The following GRAMD1B variants were observed in gnomAD, a reference collection of about 807,000 sequenced individuals.
GRAMD1B encodes the protein GRAM domain containing 1B.
Under a neutral mutation model 99.7 loss-of-function variants are expected in GRAMD1B, and 37 were observed. That is an observed-to-expected ratio of 0.37 (90% CI 0.29 to 0.49). GRAMD1B has a LOEUF of 0.49. Ranked by LOEUF, GRAMD1B falls within the 20% of genes least tolerant of loss-of-function variation. GRAMD1B has a pLI of 0.98. For missense variants in GRAMD1B, 888 were observed against 1,009.2 expected, an observed-to-expected ratio of 0.88 and a Z score of 1.63; for synonymous variants, 427 against 387.6, an observed-to-expected ratio of 1.10 and a Z score of -1.19.
intron 2 of GRAMD1B, among the ~76,000 whole-genome samples, chr11:123,520,068 T>A (rs1003889632): frequency 5.3e-5 from 8 of 152,308 alleles, no homozygotes; most frequent in African/African-American, 1.9e-4. Flanking sequence ...ACACCAATCA[T>A]GTTTTTGTTG....
At chr11:123,511,366 G>T (rs1365443442) in intron 2 of GRAMD1B, among the ~76,000 whole-genome samples, 3 of 152,194 alleles carry the variant, frequency 2.0e-5, no homozygotes, top group African/African-American at 7.2e-5. Flanking sequence ...GCGGGCCCGG[G>T]CACCTCCAGG....
chr11:123,413,191 C>T (rs1016205292), intron 1 of GRAMD1B, among the ~76,000 whole-genome samples: 1 of 152,170 alleles, frequency 6.6e-6, no homozygotes, highest in African/African-American at 2.4e-5. Flanking sequence ...CTGCCCTGAG[C>T]TCACCTGGTC....
chr11:123,498,193 C>G (rs938426657), intron 2 of GRAMD1B, among the ~76,000 whole-genome samples: 2 of 152,208 alleles, frequency 1.3e-5, no homozygotes, highest in East Asian at 3.9e-4. Flanking sequence ...TGAACTGGAC[C>G]TGGGGACCCC....
chr11:123,455,696 A>C (rs1326262696), intron 1 of GRAMD1B, among the ~76,000 whole-genome samples: 2 of 152,020 alleles, frequency 1.3e-5, no homozygotes, highest in Non-Finnish European at 2.9e-5. Flanking sequence ...TTGTCTTTAT[A>C]ACACTTTGTA....
intron 2 of GRAMD1B, among the ~76,000 whole-genome samples, chr11:123,512,967 T>C (rs1941192003): frequency 6.6e-6 from 1 of 152,168 alleles, no homozygotes; most frequent in South Asian, 2.1e-4. Context: ...GATGCTTCCA[T>C]AAAGAGCCTA....
intron 2 of GRAMD1B, among the ~76,000 whole-genome samples, chr11:123,563,298 GC>G (rs1387032935): frequency 1.3e-5 from 2 of 152,174 alleles, no homozygotes; most frequent in Non-Finnish European, 2.9e-5. Flanking sequence ...TTAGTGACTG[GC>G]CCTTGAGAGG....
intron 1 of GRAMD1B, among the ~76,000 whole-genome samples, chr11:123,372,304 T>A (rs998084006): frequency 6.6e-6 from 1 of 152,266 alleles, no homozygotes; most frequent in Non-Finnish European, 1.5e-5. Flanking sequence ...TTGCCCTTTA[T>A]GGCTTAACCT....
At chr11:123,468,363 T>G (rs1234854614) in intron 1 of GRAMD1B, among the ~76,000 whole-genome samples, 2 of 152,186 alleles carry the variant, frequency 1.3e-5, no homozygotes, top group Non-Finnish European at 2.9e-5. Context: ...ATACACCTAA[T>G]ATGTGCTAGG....
intron 2 of GRAMD1B, among the ~76,000 whole-genome samples, chr11:123,565,325 C>A (rs1489562052): frequency 6.6e-6 from 1 of 152,020 alleles, no homozygotes; most frequent in Non-Finnish European, 1.5e-5. Context: ...AGGCATGAGC[C>A]ACTGCAACTG....
At chr11:123,402,841 T>C (rs973389688) in intron 1 of GRAMD1B, among the ~76,000 whole-genome samples, 11 of 152,180 alleles carry the variant, frequency 7.2e-5, no homozygotes, top group African/African-American at 2.7e-4. Flanking sequence ...ACACTGTTGG[T>C]GGGTGTGTAA....
At chr11:123,399,386 A>T (rs1947577348) in intron 1 of GRAMD1B, among the ~76,000 whole-genome samples, 1 of 152,232 alleles carries the variant, frequency 6.6e-6, no homozygotes, top group African/African-American at 2.4e-5. Context: ...ATAGTGCTGC[A>T]ATGAACATGG....
At chr11:123,442,859 C>G (rs554482348) in intron 1 of GRAMD1B, among the ~76,000 whole-genome samples, 5 of 53,346 alleles carry the variant, frequency 9.4e-5, no homozygotes, top group African/African-American at 3.6e-4. Context: ...TTATTTATGC[C>G]CCCCCCCACC....
intron 2 of GRAMD1B, among the ~76,000 whole-genome samples, chr11:123,489,856 C>G (rs925153002): frequency 1.3e-5 from 2 of 152,082 alleles, no homozygotes; most frequent in African/African-American, 4.8e-5. Flanking sequence ...TTCATTTGTT[C>G]ATTCATTCAT....
chr11:123,551,674 A>G (rs1021271337), intron 2 of GRAMD1B, among the ~76,000 whole-genome samples: 1 of 152,232 alleles, frequency 6.6e-6, no homozygotes, highest in African/African-American at 2.4e-5. Context: ...TCTAATTTGC[A>G]TAATTAAGGC....
In GRAMD1B at chr11:123,586,450, TTCATTC is replaced by T. The variant is rs555458401; in HGVS notation, c.684+2122_684+2127del. ...CTGACTCTCCACTTAGCTCAGATCATTCATTCTCAGAGGCCAAGCGCACAAGGGGCT... is the reference window on the plus strand; with the variant it reads ...CTGACTCTCCACTTAGCTCAGATCATTCAGAGGCCAAGCGCACAAGGGGCT... On this transcript the variant is annotated intron_variant, in intron 4 of 19. Transcript: ENST00000635736. Among the ~76,000 whole-genome samples, 55 of 152,326 alleles carry T rather than the reference TTCATTC, an allele frequency of 3.6e-4. No homozygotes were observed. The Middle Eastern group carries it at 0.014, about 38-fold the overall frequency.
intron 1 of GRAMD1B, among the ~76,000 whole-genome samples, chr11:123,412,503 A>G (rs1449627773): frequency 2.0e-5 from 3 of 152,206 alleles, no homozygotes; most frequent in African/African-American, 4.8e-5. Context: ...AATACAGAGT[A>G]CAGAGCCAGG....
intron 2 of GRAMD1B, among the ~76,000 whole-genome samples, chr11:123,566,018 T>C (rs990466909): frequency 6.6e-6 from 1 of 152,206 alleles, no homozygotes; most frequent in African/African-American, 2.4e-5. Flanking sequence ...GTCTTTGCCA[T>C]GTGGAAAGGA....
chr11:123,594,816 A>G lies in GRAMD1B; in HGVS notation c.851A>G (p.Asn284Ser). The G allele has an allele frequency of 6.3e-7, 1 of 1,597,012 alleles. No homozygotes were observed. ...GAAAATTGGATCTGCTTCTACAGCA[A>G]CATCTTCCGCTGGGAAACTCTGGTA... ...LSENWICFYSNIFRWETLLTV... is the reference protein window; with the variant it reads ...LSENWICFYSSIFRWETLLTV... Residue 284 changes from asparagine (N) to serine (S), a missense_variant, in exon 6 of 20, where the codon AAC becomes AGC. Coordinates refer to ENST00000635736, the MANE Select transcript of GRAMD1B (RefSeq NM_001387025.1).
intron 4 of GRAMD1B, among the ~76,000 whole-genome samples, chr11:123,585,120 C>T (rs989410925): frequency 2.3e-4 from 35 of 152,210 alleles, no homozygotes; most frequent in Non-Finnish European, 3.2e-4. Flanking sequence ...TGAGCCTGCC[C>T]TCCTCACACC....
Sources: gnomAD v4.1 joint callset for allele counts (sites outside exome capture counted in the v4.1 genomes callset) on GRCh38, gnomAD v4.1.1 for gene constraint, MANE v1.5 for transcripts, NCBI Gene and HGNC (gene_info 2026-07-23, HGNC 2026-07-21) for gene names.